Variants in MTCL2 observed in about 807,000 individuals in gnomAD.
The protein encoded by MTCL2 is microtubule crosslinking factor 2, also known as microtubule cross-linking factor 2.
chr20:36,811,666 C>T, the MTCL2 span, among the ~76,000 whole-genome samples: 2 of 151,992 alleles, frequency 1.3e-5, no homozygotes, highest in Non-Finnish European at 2.9e-5. Context: ...GGCCTATTTC[C>T]TTTTCTTAGA....
chr20:36,839,200 C>G, the MTCL2 span: 1 of 1,578,580 alleles, frequency 6.3e-7, no homozygotes, highest in South Asian at 1.1e-5. The surrounding 1 kb of genome is among the most constrained non-coding windows in gnomAD (Gnocchi z 5.1). Flanking sequence ...AACAAGGGCA[C>G]CCGAGCCCAG....
the MTCL2 span, chr20:36,797,436 C>G: frequency 1.8e-4 from 272 of 1,512,462 alleles, no homozygotes; most frequent in Non-Finnish European, 2.3e-4. Context: ...TCATGTCCCC[C>G]ACAAGCAGGG....
the MTCL2 span, among the ~76,000 whole-genome samples, chr20:36,818,781 A>T: frequency 6.6e-6 from 1 of 152,260 alleles, no homozygotes; most frequent in Non-Finnish European, 1.5e-5. Context: ...TGCAATGTAC[A>T]ACACCAACAA....
chr20:36,802,901 C>T, the MTCL2 span: 1 of 1,574,170 alleles, frequency 6.4e-7, no homozygotes, highest in Admixed American at 1.8e-5. Context: ...GCTCCACCTG[C>T]TGCTTCTCAC....
At chr20:36,787,798 A>G in the MTCL2 span, among the ~76,000 whole-genome samples, 1 of 150,582 alleles carries the variant, frequency 6.6e-6, no homozygotes, top group South Asian at 2.1e-4. Flanking sequence ...GGGCAGGAGA[A>G]TCGCTTAAAC....
At chr20:36,820,395 T>C in the MTCL2 span, among the ~76,000 whole-genome samples, 1 of 152,180 alleles carries the variant, frequency 6.6e-6, no homozygotes, top group Non-Finnish European at 1.5e-5. Context: ...ATCATGAGAT[T>C]CACTGACATG....
chr20:36,805,718 G>T, the MTCL2 span: 3 of 723,344 alleles, frequency 4.1e-6, no homozygotes, highest in Admixed American at 3.1e-5. Context: ...CTCTGTTACT[G>T]CCCTGGGATG....
At chr20:36,785,280 C>A in the MTCL2 span, 1 of 985,334 alleles carries the variant, frequency 1.0e-6, no homozygotes, top group Non-Finnish European at 1.2e-6. Context: ...CATGCCTGCC[C>A]GTGCTGTTAG....
chr20:36,794,117 G>A, the MTCL2 span: 33 of 1,551,358 alleles, frequency 2.1e-5, no homozygotes, highest in Admixed American at 1.8e-4. The surrounding 1 kb of genome is among the most constrained non-coding windows in gnomAD (Gnocchi z 5.4). Context: ...CCCGGCCGCC[G>A]AGGGGCTGCC....
At chr20:36,816,325 G>A in the MTCL2 span, 1 of 1,546,526 alleles carries the variant, frequency 6.5e-7, no homozygotes, top group Non-Finnish European at 8.7e-7. Context: ...CACAGAGACA[G>A]ACACAACCCA....
the MTCL2 span, among the ~76,000 whole-genome samples, chr20:36,836,390 C>A: frequency 9.0e-5 from 13 of 144,018 alleles, no homozygotes; most frequent in Admixed American, 8.5e-4. Context: ...CACTCTGTCA[C>A]CCAGGCTGGA....
At chr20:36,862,061 G>A in the MTCL2 span, among the ~76,000 whole-genome samples, 7 of 152,348 alleles carry the variant, frequency 4.6e-5, no homozygotes, top group Non-Finnish European at 1.0e-4. Flanking sequence ...GTTCTCCCAC[G>A]ACATCATCCT....
chr20:36,828,814 CCT>C, the MTCL2 span: 1 of 473,180 alleles, frequency 2.1e-6, no homozygotes, highest in South Asian at 3.3e-5. Flanking sequence ...CCGTGAGCTC[CCT>C]GAGGACAGGA....
chr20:36,838,644 AG>A, the MTCL2 span, among the ~76,000 whole-genome samples: 1 of 152,034 alleles, frequency 6.6e-6, no homozygotes. Flanking sequence ...ATTAGAGGCT[AG>A]CACCAGGTGG....
the MTCL2 span, among the ~76,000 whole-genome samples, chr20:36,841,869 G>T: frequency 1.6e-5 from 2 of 126,992 alleles, no homozygotes; most frequent in African/African-American, 6.2e-5. Flanking sequence ...GGGGGTGGGG[G>T]GTGGGGTGTG....
At chr20:36,787,009 T>C in the MTCL2 span, among the ~76,000 whole-genome samples, 1 of 152,086 alleles carries the variant, frequency 6.6e-6, no homozygotes, top group Non-Finnish European at 1.5e-5. Context: ...TTTTTTTCGT[T>C]TGAGACAGGG....
At chr20:36,815,177 C>G in the MTCL2 span, 4 of 1,613,198 alleles carry the variant, frequency 2.5e-6, no homozygotes, top group Non-Finnish European at 3.4e-6. The surrounding 1 kb of genome is among the most constrained non-coding windows in gnomAD (Gnocchi z 5.3). Flanking sequence ...TAGAGAGCCC[C>G]TGGGAGCCCA....
At chr20:36,785,515 G>C in the MTCL2 span, 1 of 985,396 alleles carries the variant, frequency 1.0e-6, no homozygotes, top group East Asian at 1.1e-4. Context: ...GCCTGACCTG[G>C]CCAACCAAGA....
At chr20:36,841,871 T>TGGGGGG in the MTCL2 span, among the ~76,000 whole-genome samples, 8 of 105,684 alleles carry the variant, frequency 7.6e-5, no homozygotes, top group Admixed American at 9.3e-5. Context: ...GGGTGGGGGG[T>TGGGGGG]GGGGTGTGTG....
Sources: allele counts gnomAD v4.1 joint callset (sites outside exome capture counted in the v4.1 genomes callset), GRCh38; gene constraint gnomAD v4.1.1; non-coding constraint Gnocchi (gnomAD v3.1); transcripts MANE v1.5; gene names NCBI Gene and HGNC (gene_info 2026-07-23, HGNC 2026-07-21).